The following ORC4 variants were observed in gnomAD, a reference collection of about 807,000 sequenced individuals.
ORC4 encodes origin recognition complex, subunit 4 homolog.
In ORC4, 55 loss-of-function variants were observed where a neutral mutation model predicts 63.9. The ratio of observed to expected loss-of-function variants is 0.86; its 90% CI spans 0.69 to 1.08. ORC4 has a LOEUF of 1.08. Ranked by LOEUF, ORC4 falls within the 50% of genes least tolerant of loss-of-function variation. The pLI is 0.00. For missense variants in ORC4, 511 were observed against 504.4 expected (o/e 1.01, Z -0.13); for synonymous variants, 150 against 168.5 (o/e 0.89, Z 0.85).
chr2:147,947,869 G>T, intron 9 of ORC4, 182 bp downstream of exon 9: 1 of 523,294 alleles, frequency 1.9e-6, no homozygotes, highest in East Asian at 3.2e-5. Flanking sequence ...GAATTTAGGA[G>T]AAATGACATT....
At position 147,943,475 on chromosome 2, in the gene ORC4, G is replaced by T; in HGVS notation, c.810C>A (p.Phe270Leu). The change falls in exon 10 of 14, where the codon TTC becomes TTA. Residue 270 changes from phenylalanine (F) to leucine (L), a missense_variant. Coordinates refer to ENST00000392857, the MANE Select transcript of ORC4 (RefSeq NM_181741.4). ...RSVQEVLQKH[F>L]NISKNLRSLH... ...ATGACCGCAGGTTTTTGCTGATATT[G>T]AAATGCTTCTGTAGTACTTCTTGCA... is the stretch of plus-strand genomic sequence containing the variant. 3 of 1,592,994 alleles carry T rather than the reference G, an allele frequency of 1.9e-6. No individual in the cohort carries two copies. Among genetic ancestry groups the T allele is most frequent in the Non-Finnish European group, 2.6e-6 (3 of 1,165,652 alleles).
At chr2:147,940,032 T>C (rs1285502672) in intron 10 of ORC4, among the ~76,000 whole-genome samples, 1 of 152,142 alleles carries the variant, frequency 6.6e-6, no homozygotes, top group African/African-American at 2.4e-5. Flanking sequence ...CTCCTTCACC[T>C]TAACAAGGGC....
At chr2:147,982,254 G>C (rs7594075) in intron 1 of ORC4, among the ~76,000 whole-genome samples, 49,529 of 151,982 alleles carry the variant, frequency 0.33, 8,321 homozygotes, top group East Asian at 0.51. Context: ...TGTTATGAGA[G>C]GGAAAAACCT....
chr2:148,000,907 T>G (rs1268920899), intron 1 of ORC4, among the ~76,000 whole-genome samples: 1 of 151,968 alleles, frequency 6.6e-6, no homozygotes, highest in African/African-American at 2.4e-5. Flanking sequence ...AAAGGCTAAA[T>G]CTACATCACC....
At chr2:147,976,627 G>C (rs1690573828) in intron 1 of ORC4, among the ~76,000 whole-genome samples, 2 of 151,548 alleles carry the variant, frequency 1.3e-5, no homozygotes, top group Non-Finnish European at 2.9e-5. Flanking sequence ...CATCCCACAG[G>C]ATCATCCCTT....
At chr2:147,977,739 T>A (rs1690649745) in intron 1 of ORC4, among the ~76,000 whole-genome samples, 1 of 152,162 alleles carries the variant, frequency 6.6e-6, no homozygotes, top group South Asian at 2.1e-4. Context: ...AGGACCTCGG[T>A]CTGTACAGTG....
chr2:147,946,156 C>T (rs1030320906), intron 9 of ORC4, among the ~76,000 whole-genome samples: 4 of 152,020 alleles, frequency 2.6e-5, no homozygotes, highest in African/African-American at 9.7e-5. Flanking sequence ...ACCAGTAACT[C>T]CCAGCATCCT....
At chr2:148,021,311 T>TTTC (rs542373546), upstream of ORC4, 1 of 359,986 alleles carries the variant, frequency 2.8e-6, no homozygotes, top group Non-Finnish European at 5.5e-6. Flanking sequence ...GGAGAAGGAG[T>TTTC]TTCTTCTTCT....
At chr2:148,017,935 T>A (rs1241913861) in intron 1 of ORC4, among the ~76,000 whole-genome samples, 1 of 152,020 alleles carries the variant, frequency 6.6e-6, no homozygotes, top group African/African-American at 2.4e-5. Context: ...TTATCTGGAG[T>A]TTAAACTACG....
chr2:147,982,941 C>T lies in ORC4; in HGVS notation c.-17-6966G>A, dbSNP rs116133421. On this transcript the variant is annotated intron_variant, in intron 1 of 13. Coordinates refer to ENST00000392857, the MANE Select transcript of ORC4 (RefSeq NM_181741.4). ...CAAAATACATAAGTAGACATTTCACCAAAGATATGCAGGTGGCAAATAAGC... is the reference window on the plus strand; with the variant it reads ...CAAAATACATAAGTAGACATTTCACTAAAGATATGCAGGTGGCAAATAAGC... 7.3e-3 allele frequency among the ~76,000 whole-genome samples: 1,117 copies of T among 152,156 alleles called. 21 individuals are homozygous for T. The highest frequency in any genetic ancestry group is 0.025 in the African/African-American group (1,045 of 41,510).
At chr2:147,986,251 C>T (rs1691195929) in intron 1 of ORC4, among the ~76,000 whole-genome samples, 1 of 151,876 alleles carries the variant, frequency 6.6e-6, no homozygotes, top group East Asian at 1.9e-4. Context: ...TAAAACAAAA[C>T]AAAAAACTGT....
At chr2:148,000,474 A>G (rs1692233420) in intron 1 of ORC4, among the ~76,000 whole-genome samples, 1 of 152,158 alleles carries the variant, frequency 6.6e-6, no homozygotes, top group African/African-American at 2.4e-5. Flanking sequence ...AAGCCAGCTA[A>G]ACTAATAGTT....
At chr2:148,008,662 C>T (rs904421934) in intron 1 of ORC4, among the ~76,000 whole-genome samples, 2 of 152,180 alleles carry the variant, frequency 1.3e-5, no homozygotes, top group African/African-American at 2.4e-5. Flanking sequence ...TGACTCCCGC[C>T]AAAGCATTCA....
At chr2:147,989,335 G>T (rs1691430971) in intron 1 of ORC4, among the ~76,000 whole-genome samples, 2 of 151,970 alleles carry the variant, frequency 1.3e-5, no homozygotes, top group Admixed American at 6.6e-5. Context: ...CATCTCTCTG[G>T]GCCTGCATAC....
chr2:148,020,074 A>G (rs1361911644), intron 1 of ORC4, among the ~76,000 whole-genome samples: 4 of 152,188 alleles, frequency 2.6e-5, no homozygotes, highest in Admixed American at 2.6e-4. Flanking sequence ...GAGAAAAAGC[A>G]AAGGCTTTGT....
chr2:147,934,991 T>C lies in ORC4; in HGVS notation c.*519A>G, dbSNP rs754805806. 9.7e-5 allele frequency: 15 copies of C among 154,724 alleles called. 1 individual carries two copies. Among genetic ancestry groups the C allele is most frequent in the Non-Finnish European group, 2.0e-4 (14 of 69,638 alleles). The allele number at this position is 154,724 out of a possible 1,614,324, so 9.6% of individuals were successfully genotyped here. On this transcript the variant is annotated 3_prime_UTR_variant, in exon 14 of 14. Coordinates refer to ENST00000392857, the MANE Select transcript of ORC4 (RefSeq NM_181741.4). ...AAAAATCTTCAAACTCCTTGGCCTT[T>C]TTCTTCCATGGAACCATCTTCTGAC...
In ORC4 at chr2:147,932,664, A is replaced by C. The variant is rs1338796896; in HGVS notation, c.*2846T>G. On this transcript the variant is annotated 3_prime_UTR_variant, in exon 14 of 14. Transcript: ENST00000392857. Reference sequence around the variant, plus strand: ...TCTAAACAGATTATATTCCCACTAAAGTATGTGTGTTGGTCCTGCCAGTAT... The same window carrying C: ...TCTAAACAGATTATATTCCCACTAACGTATGTGTGTTGGTCCTGCCAGTAT... 1.3e-5 allele frequency: 2 copies of C among 152,140 alleles called. No individual in the cohort carries two copies. The highest frequency in any genetic ancestry group is 2.9e-5 in the Non-Finnish European group (2 of 68,052). 9.4% of individuals were successfully genotyped at this position (152,140 alleles called of 1,614,324 possible).
chr2:148,004,901 A>G (rs775226005), intron 1 of ORC4, among the ~76,000 whole-genome samples: 14 of 152,198 alleles, frequency 9.2e-5, no homozygotes, highest in Non-Finnish European at 2.9e-5. Flanking sequence ...AAAAGTCAGG[A>G]AACAACAGAT....
rs943597646 is a variant in ORC4, at chr2:147,931,613, C to A, written c.*3897G>T. ...CATCAAAAAGCTTATCCACCATGAT[C>A]AAGTGGGCTTCATCCCTGGGATGCA... On this transcript the variant is annotated 3_prime_UTR_variant, in exon 14 of 14. Coordinates refer to ENST00000392857, the MANE Select transcript of ORC4 (RefSeq NM_181741.4). The A allele has an allele frequency of 2.6e-5, 4 of 152,150 alleles. No individual in the cohort carries two copies. Among genetic ancestry groups the A allele is most frequent in the African/African-American group, 9.7e-5 (4 of 41,432 alleles). 9.4% of individuals were successfully genotyped at this position (152,150 alleles called of 1,614,324 possible).
Sources: allele counts gnomAD v4.1 joint callset (sites outside exome capture counted in the v4.1 genomes callset), GRCh38; gene constraint gnomAD v4.1.1; transcripts MANE v1.5; gene names NCBI Gene and HGNC (gene_info 2026-07-23, HGNC 2026-07-21).